The following C16orf96 variants were observed in gnomAD, a reference collection of about 807,000 sequenced individuals.
The protein encoded by C16orf96 is uncharacterized protein C16orf96.
C16orf96 carries 108 observed loss-of-function variants against 103.6 expected under a neutral mutation model. The ratio of observed to expected loss-of-function variants is 1.04; its 90% CI spans 0.89 to 1.22. The LOEUF (loss-of-function observed/expected upper bound fraction) is 1.22, where lower values mean the gene tolerates loss of function less well. Among genes scored for constraint, C16orf96 ranks in the 50% most tolerant of loss-of-function variants. C16orf96 has a pLI of 0.00. For missense variants in C16orf96, 1,586 were observed against 1,464.2 expected (o/e 1.08, Z -1.36); for synonymous variants, 566 against 593.5 (o/e 0.95, Z 0.67).
the C16orf96 span, among the ~76,000 whole-genome samples, chr16:4,542,611 A>G: frequency 2.0e-5 from 3 of 152,222 alleles, no homozygotes; most frequent in African/African-American, 7.2e-5. Flanking sequence ...AGCCTGGCCA[A>G]TATAGTGAAA....
chr16:4,575,005 A>C lies in C16orf96; in HGVS notation c.640A>C (p.Lys214Gln). 6 of 1,551,518 alleles carry C rather than the reference A, an allele frequency of 3.9e-6. No homozygotes were observed. The highest frequency in any genetic ancestry group is 2.4e-5 in the East Asian group (1 of 40,928). Residue 214 changes from lysine (K) to glutamine (Q), a missense_variant, in exon 4 of 16, where the codon AAA becomes CAA. By Grantham distance (53) the Lys-to-Gln change is moderately conservative (BLOSUM62 1). Coordinates refer to ENST00000444310, the MANE Select transcript of C16orf96 (RefSeq NM_001145011.2). ...CCAGAATAAGTTTAAAACCATCCCC[A>C]AAACCGAGGACATGGTGCTCTGGAG... Reference protein sequence around the residue: ...SLQNKFKTIPKTEDMVLWSGL... With the variant: ...SLQNKFKTIPQTEDMVLWSGL...
intron 14 of C16orf96, among the ~76,000 whole-genome samples, chr16:4,596,303 G>A (rs953963207): frequency 3.3e-5 from 5 of 152,046 alleles, no homozygotes; most frequent in African/African-American, 1.2e-4. Context: ...TGAACAACAT[G>A]GTGAAACCTC....
At chr16:4,570,214 G>A (rs943977594) in intron 1 of C16orf96, among the ~76,000 whole-genome samples, 2 of 152,168 alleles carry the variant, frequency 1.3e-5, no homozygotes, top group Non-Finnish European at 2.9e-5. Context: ...CTCCCAAAGT[G>A]CTGATAATTC....
At chr16:4,596,443 C>T (rs1382488759) in intron 14 of C16orf96, among the ~76,000 whole-genome samples, 1 of 150,356 alleles carries the variant, frequency 6.7e-6, no homozygotes, top group East Asian at 2.0e-4. Context: ...CAAGATCACG[C>T]CACTGCACTC....
the C16orf96 span, among the ~76,000 whole-genome samples, chr16:4,548,001 C>T: frequency 1.3e-4 from 20 of 152,004 alleles, no homozygotes; most frequent in Admixed American, 1.3e-3. Flanking sequence ...TTGCAACTAT[C>T]TGCAAATATA....
chr16:4,585,025 T>C (rs1567452772), intron 7 of C16orf96, among the ~76,000 whole-genome samples: 1 of 152,128 alleles, frequency 6.6e-6, no homozygotes, highest in Non-Finnish European at 1.5e-5. Flanking sequence ...CTTGCACCTA[T>C]AGTCCCAGCT....
chr16:4,564,313 T>C lies in C16orf96; in HGVS notation c.421-7248T>C, dbSNP rs188719225. ...GGCCATTGTCAGACTTGGTTGGATATGTGCACGCAGCTTCTGCAGCTCAGG... is the reference window on the plus strand; with the variant it reads ...GGCCATTGTCAGACTTGGTTGGATACGTGCACGCAGCTTCTGCAGCTCAGG... On this transcript the variant is annotated intron_variant, in intron 1 of 15. Coordinates refer to ENST00000444310, the MANE Select transcript of C16orf96 (RefSeq NM_001145011.2). Among the ~76,000 whole-genome samples the C allele has an allele frequency of 3.3e-3, 506 of 152,298 alleles. 2 individuals are homozygous for C. The highest frequency in any genetic ancestry group is 0.011 in the African/African-American group (478 of 41,576).
chr16:4,576,479 A>T lies in C16orf96; in HGVS notation c.1999A>T (p.Met667Leu), dbSNP rs889725957. 1.3e-6 allele frequency: 2 copies of T among 1,550,052 alleles called. No individual in the cohort carries two copies. Among genetic ancestry groups the T allele is most frequent in the Non-Finnish European group, 1.7e-6 (2 of 1,146,268 alleles). Residue 667 changes from methionine (M) to leucine (L), a missense_variant, in exon 5 of 16, where the codon ATG becomes TTG. By Grantham distance (15) the Met-to-Leu change is conservative. Coordinates refer to ENST00000444310, the MANE Select transcript of C16orf96 (RefSeq NM_001145011.2). Reference protein sequence around the residue: ...IGPDPALSQAMVATKQAMSPE... With the variant: ...IGPDPALSQALVATKQAMSPE... ...TCCCGATCCAGCCCTGTCCCAGGCC[A>T]TGGTGGCTACCAAGCAGGCCATGAG...
chr16:4,554,437 G>A (rs896556919), upstream of C16orf96, among the ~76,000 whole-genome samples: 5 of 151,070 alleles, frequency 3.3e-5, no homozygotes, highest in African/African-American at 7.3e-5. Flanking sequence ...TGCAAGCTCC[G>A]CCTCCCAGAT....
upstream of C16orf96, among the ~76,000 whole-genome samples, chr16:4,552,527 C>G (rs912947016): frequency 6.6e-6 from 1 of 151,570 alleles, no homozygotes; most frequent in Non-Finnish European, 1.5e-5. Context: ...GAAATTCATC[C>G]CACTATTACA....
chr16:4,598,750 C>T (rs1182575846), intron 14 of C16orf96, among the ~76,000 whole-genome samples: 1 of 152,202 alleles, frequency 6.6e-6, no homozygotes, highest in Non-Finnish European at 1.5e-5. Context: ...AATCACGTCA[C>T]ACTCCTCTCT....
At chr16:4,595,636 C>G (rs953319967) in intron 14 of C16orf96, among the ~76,000 whole-genome samples, 1 of 152,168 alleles carries the variant, frequency 6.6e-6, no homozygotes, top group African/African-American at 2.4e-5. Context: ...AAGGAGCAGT[C>G]CCGGAGCCAC....
chr16:4,579,062 T>G lies in C16orf96; in HGVS notation c.2241+37T>G, dbSNP rs1238321591. On this transcript the variant is annotated intron_variant, in intron 6 of 15. Transcript: ENST00000444310. ...CGGCGAAGGGCTTTTGAGGCAGTGA[T>G]GGCTTGAGGTGAGCTGGCTGAAGAC... is the stretch of plus-strand genomic sequence containing the variant. 2.0e-6 allele frequency: 3 copies of G among 1,526,460 alleles called. No individual in the cohort carries two copies. The South Asian group carries it at 3.6e-5, about 18-fold the overall frequency. 94.6% of individuals were successfully genotyped at this position (1,526,460 alleles called of 1,614,324 possible).
intron 14 of C16orf96, among the ~76,000 whole-genome samples, chr16:4,597,431 C>A (rs1012987271): frequency 6.6e-6 from 1 of 152,216 alleles, no homozygotes; most frequent in Non-Finnish European, 1.5e-5. Context: ...CCAGTCCTGT[C>A]CCCACTCATT....
intron 5 of C16orf96, among the ~76,000 whole-genome samples, 189 bp downstream of exon 5, chr16:4,576,824 GTCTTA>G (rs537821585): frequency 2.0e-3 from 298 of 152,292 alleles, no homozygotes; most frequent in African/African-American, 7.1e-3. Flanking sequence ...GTACAATGAG[GTCTTA>G]TCTTAGGGCA....
intron 5 of C16orf96, among the ~76,000 whole-genome samples, chr16:4,577,982 G>C (rs964437634): frequency 2.8e-4 from 42 of 151,732 alleles, no homozygotes; most frequent in Admixed American, 2.0e-4. Flanking sequence ...TGGTGGCGCA[G>C]GCCTGTAGTC....
chr16:4,586,154 G>A (rs1596533725), intron 7 of C16orf96, among the ~76,000 whole-genome samples: 1 of 152,178 alleles, frequency 6.6e-6, no homozygotes, highest in Non-Finnish European at 1.5e-5. Context: ...CAACTACTCG[G>A]GAGGCTGAGG....
Position 4,567,488 on chromosome 16 carries a change from G to A in C16orf96, c.421-4073G>A, listed in dbSNP as rs376027951. ...TGTTTAGTAGAGACGGGGTTTCACC[G>A]TGTTAGCCAGGATGGTTTTGATCTG... On this transcript the variant is annotated intron_variant, in intron 1 of 15. Transcript: ENST00000444310. Among the ~76,000 whole-genome samples, 16 of 150,570 alleles carry A rather than the reference G, an allele frequency of 1.1e-4. 1 individual carries two copies. Among genetic ancestry groups the A allele is most frequent in the Admixed American group, 8.6e-4 (13 of 15,040 alleles).
At chr16:4,578,883 A>G in intron 5 of C16orf96, 57 bp from the exon 6 acceptor site, 1 of 1,397,038 alleles carries the variant, frequency 7.2e-7, no homozygotes, top group Non-Finnish European at 9.9e-7. Context: ...CTAGAGCCCA[A>G]CAGAAACATC....
Sources: allele counts gnomAD v4.1 joint callset (sites outside exome capture counted in the v4.1 genomes callset), GRCh38; gene constraint gnomAD v4.1.1; transcripts MANE v1.5; gene names NCBI Gene and HGNC (gene_info 2026-07-23, HGNC 2026-07-21).